The following LRP6 variants were observed in gnomAD, a reference collection of about 807,000 sequenced individuals.
LRP6 encodes the protein low-density lipoprotein receptor-related protein 6.
In LRP6, 43 loss-of-function variants were observed where a neutral mutation model predicts 184.1. The ratio of observed to expected loss-of-function variants is 0.23; its 90% CI spans 0.18 to 0.30. The LOEUF (loss-of-function observed/expected upper bound fraction) is 0.30. Among genes scored for constraint, LRP6 ranks in the 10% least tolerant of loss-of-function variants. The probability of loss-of-function intolerance (pLI) is 1.00; values close to 1 mark genes in which losing one functional copy is unlikely to be tolerated. For synonymous variants in LRP6, 719 were observed against 684.9 expected, an observed-to-expected ratio of 1.05 and a Z score of -0.78; for missense variants, 1,571 against 2,005.3, an observed-to-expected ratio of 0.78 and a Z score of 4.14.
Position 12,159,628 on chromosome 12 carries a change from T to C in LRP6, c.2464+152A>G, listed in dbSNP as rs17848271. 3.1e-4 allele frequency: 221 copies of C among 716,132 alleles called. 1 individual carries two copies. The East Asian group carries it at 5.9e-3, about 19-fold the overall frequency. The allele number at this position is 716,132 out of a possible 1,614,324, so 44.4% of individuals were successfully genotyped here. ...ATGAATCCAAGTACCTGGATCACTA[T>C]TAATAACAAACAGGATACAATTCCA... On this transcript the variant is annotated intron_variant, in intron 11 of 22. Coordinates refer to ENST00000261349, the MANE Select transcript of LRP6 (RefSeq NM_002336.3).
Position 12,243,602 on chromosome 12 carries a change from G to A in LRP6, c.449+660C>T, listed in dbSNP as rs1444342333. 2.0e-5 allele frequency among the ~76,000 whole-genome samples: 3 copies of A among 152,014 alleles called. No individual in the cohort carries two copies. The East Asian group carries it at 5.8e-4, about 29-fold the overall frequency. Reference sequence around the variant, plus strand: ...AACATGGCTATTAGAAACCCAAAACGATTTACAGAAACACTAAGAACACAA... The same window carrying A: ...AACATGGCTATTAGAAACCCAAAACAATTTACAGAAACACTAAGAACACAA... On this transcript the variant is annotated intron_variant, in intron 2 of 22. Transcript: ENST00000261349.
chr12:12,260,340 T>C (rs977723971), intron 1 of LRP6, among the ~76,000 whole-genome samples: 2 of 149,164 alleles, frequency 1.3e-5, no homozygotes, highest in Non-Finnish European at 3.0e-5. Flanking sequence ...ATTACGCCAC[T>C]GCACTCCAGC....
chr12:12,208,839 G>A (rs1038210908), intron 2 of LRP6, among the ~76,000 whole-genome samples: 1 of 152,166 alleles, frequency 6.6e-6, no homozygotes, highest in Non-Finnish European at 1.5e-5. Flanking sequence ...GTGTGCCTAT[G>A]TCTATTATAA....
intron 7 of LRP6, among the ~76,000 whole-genome samples, chr12:12,176,256 A>G (rs1343642005): frequency 6.6e-6 from 1 of 152,224 alleles, no homozygotes; most frequent in Non-Finnish European, 1.5e-5. Flanking sequence ...AGGTTTGTCC[A>G]CAAAAGGCAA....
At chr12:12,179,256 T>C (rs889310925) in intron 7 of LRP6, among the ~76,000 whole-genome samples, 2 of 152,156 alleles carry the variant, frequency 1.3e-5, no homozygotes, top group African/African-American at 2.4e-5. Context: ...TTAATTAGTC[T>C]TGTTCCCACA....
intron 2 of LRP6, among the ~76,000 whole-genome samples, chr12:12,231,702 T>C (rs917802642): frequency 3.5e-4 from 53 of 152,014 alleles, no homozygotes; most frequent in African/African-American, 1.0e-3. Context: ...TGTTTTGTTT[T>C]TGTTTAAACA....
chr12:12,187,547 G>A (rs1293390755), intron 3 of LRP6: 1 of 221,616 alleles, frequency 4.5e-6, no homozygotes, highest in Non-Finnish European at 9.1e-6. Flanking sequence ...TGGCACTGAA[G>A]TAGATTTATA....
At chr12:12,146,875 G>A (rs573859058) in intron 15 of LRP6, among the ~76,000 whole-genome samples, 5 of 152,306 alleles carry the variant, frequency 3.3e-5, no homozygotes, top group African/African-American at 7.2e-5. Flanking sequence ...TATTTACGCC[G>A]GGCGCGGTGG....
At chr12:12,127,634 C>T (rs1949690855) in intron 19 of LRP6, among the ~76,000 whole-genome samples, 1 of 142,860 alleles carries the variant, frequency 7.0e-6, no homozygotes, top group Admixed American at 6.9e-5. Context: ...TCCCTGGATC[C>T]CTGAGCTACC....
intron 6 of LRP6, among the ~76,000 whole-genome samples, chr12:12,180,239 T>TC (rs1555112569): frequency 1.1e-4 from 13 of 120,678 alleles, no homozygotes; most frequent in African/African-American, 3.4e-4. Context: ...CAGTTTTACT[T>TC]CTTTTTTTTT....
intron 2 of LRP6, among the ~76,000 whole-genome samples, chr12:12,243,027 A>C (rs1865103348): frequency 6.6e-6 from 1 of 152,350 alleles, no homozygotes; most frequent in Middle Eastern, 3.4e-3. Context: ...ATACAACTGA[A>C]AGCTAAAGAA....
intron 2 of LRP6, among the ~76,000 whole-genome samples, chr12:12,217,322 G>A (rs1040833620): frequency 2.6e-5 from 4 of 151,948 alleles, no homozygotes; most frequent in African/African-American, 9.7e-5. Context: ...CTTATGATCT[G>A]TCACTGTTTC....
chr12:12,157,751 C>T (rs1862632341), intron 12 of LRP6, among the ~76,000 whole-genome samples: 1 of 152,102 alleles, frequency 6.6e-6, no homozygotes, highest in South Asian at 2.1e-4. Context: ...ATCATATTGA[C>T]CCAAACCCTA....
intron 6 of LRP6, 74 bp from the exon 7 acceptor site, chr12:12,180,055 C>A: frequency 1.6e-6 from 2 of 1,252,222 alleles, no homozygotes; most frequent in Non-Finnish European, 1.2e-6. Flanking sequence ...AAGGTGAGAT[C>A]CATCCCTCCT....
At chr12:12,131,009 A>T in intron 18 of LRP6, 116 bp from the exon 19 acceptor site, 1 of 691,594 alleles carries the variant, frequency 1.4e-6, no homozygotes, top group South Asian at 1.6e-5. Context: ...ACTTTTAGCT[A>T]TAACTTAAAT....
At chr12:12,254,160 A>G (rs1865403354) in intron 1 of LRP6, among the ~76,000 whole-genome samples, 1 of 149,960 alleles carries the variant, frequency 6.7e-6, no homozygotes, top group South Asian at 2.1e-4. Context: ...AAAAAAAAAA[A>G]AAAAAGAAAG....
In LRP6 at chr12:12,116,180, G is replaced by T. The variant is rs1289004325; in HGVS notation, c.*4946C>A. ...TACAAAAGGAGGGAAGTGAATAAGTGGACAAGGGCTGACCAAATGTTGGCC... is the reference window on the plus strand; with the variant it reads ...TACAAAAGGAGGGAAGTGAATAAGTTGACAAGGGCTGACCAAATGTTGGCC... On this transcript the variant is annotated 3_prime_UTR_variant, in exon 23 of 23. Transcript: ENST00000261349. 1 of 152,162 alleles carries T rather than the reference G, an allele frequency of 6.6e-6. No homozygotes were observed. Among genetic ancestry groups the T allele is most frequent in the African/African-American group, 2.4e-5 (1 of 41,440 alleles). The allele number at this position is 152,162 out of a possible 1,614,324, so 9.4% of individuals were successfully genotyped here. A position where few individuals can be genotyped will look rare whatever the true frequency, so the allele number is the denominator to read the frequency against.
At chr12:12,175,090 T>C (rs1863136526) in intron 7 of LRP6, among the ~76,000 whole-genome samples, 1 of 152,206 alleles carries the variant, frequency 6.6e-6, no homozygotes, top group East Asian at 1.9e-4. Context: ...AAATAAAAAG[T>C]ATATAATGAA....
chr12:12,245,996 C>CTTTTTTT (rs71061029), intron 1 of LRP6, among the ~76,000 whole-genome samples: 4 of 90,184 alleles, frequency 4.4e-5, no homozygotes, highest in African/African-American at 4.1e-5. Context: ...TTTATATAAA[C>CTTTTTTT]TTTTTTTTTT....
Sources: allele counts gnomAD v4.1 joint callset (sites outside exome capture counted in the v4.1 genomes callset), GRCh38; gene constraint gnomAD v4.1.1; transcripts MANE v1.5; gene names NCBI Gene and HGNC (gene_info 2026-07-23, HGNC 2026-07-21).